SMURF2: variants seen among roughly 807,000 people sequenced by gnomAD.
SMURF2 encodes the protein E3 ubiquitin-protein ligase SMURF2.
A neutral mutation model predicts 109.6 loss-of-function variants in SMURF2; 48 were observed. The observed-to-expected ratio is 0.44, with a 90% CI of 0.35 to 0.56. The LOEUF (loss-of-function observed/expected upper bound fraction) is 0.56. SMURF2 is among the 20% of genes least tolerant of loss of function. The pLI is 0.01. For synonymous variants in SMURF2, 288 were observed against 317.1 expected (o/e 0.91, Z 0.97); for missense variants, 575 against 909.0 (o/e 0.63, Z 4.72).
At chr17:64,637,596 T>C (rs1970433959) in intron 1 of SMURF2, among the ~76,000 whole-genome samples, 1 of 149,804 alleles carries the variant, frequency 6.7e-6, no homozygotes, top group African/African-American at 2.5e-5. Context: ...CGGAGTCTCA[T>C]TCTGTTGCCC....
chr17:64,621,356 G>A (rs1970198604), intron 1 of SMURF2, among the ~76,000 whole-genome samples: 1 of 152,180 alleles, frequency 6.6e-6, no homozygotes, highest in South Asian at 2.1e-4. Context: ...GAGGTGGGTG[G>A]ATCACCTGAG....
intron 1 of SMURF2, among the ~76,000 whole-genome samples, chr17:64,653,092 G>A (rs1176776671): frequency 4.6e-5 from 7 of 152,000 alleles, no homozygotes; most frequent in African/African-American, 1.7e-4. Context: ...TCTTCTCTTT[G>A]GGACATCTTT....
intron 1 of SMURF2, among the ~76,000 whole-genome samples, chr17:64,609,568 A>G (rs1301907013): frequency 6.6e-6 from 1 of 152,188 alleles, no homozygotes; most frequent in East Asian, 1.9e-4. Flanking sequence ...CTGACTAGCC[A>G]TATGCAGAAA....
At chr17:64,602,873 C>T (rs1437227012) in intron 2 of SMURF2, among the ~76,000 whole-genome samples, 19 of 151,888 alleles carry the variant, frequency 1.3e-4, no homozygotes, top group Non-Finnish European at 2.2e-4. Flanking sequence ...TGCAGTGAGT[C>T]GAGATCGCGC....
At chr17:64,562,150 G>A (rs1555684557) in intron 11 of SMURF2, among the ~76,000 whole-genome samples, 2 of 151,368 alleles carry the variant, frequency 1.3e-5, no homozygotes, top group Admixed American at 6.6e-5. Context: ...AAAATTAGCT[G>A]AGCGTGGTAG....
intron 1 of SMURF2, among the ~76,000 whole-genome samples, chr17:64,633,131 G>A (rs1445328241): frequency 3.3e-5 from 5 of 152,138 alleles, no homozygotes; most frequent in Admixed American, 1.3e-4. Context: ...TTAGCCAGGC[G>A]TGGTGGCACG....
rs1045379613 is a variant in SMURF2 at position 64,643,171 on chromosome 17, C to T, written c.52+18658G>A. 2.0e-5 allele frequency among the ~76,000 whole-genome samples: 3 copies of T among 152,010 alleles called. No homozygotes were observed. The East Asian group carries it at 5.8e-4, about 29-fold the overall frequency. ...TCCCAAGTAGCTGGGATCACAGGCACGTCACCATACCCAGCTAATTTTTGT... is the reference window on the plus strand; with the variant it reads ...TCCCAAGTAGCTGGGATCACAGGCATGTCACCATACCCAGCTAATTTTTGT... On this transcript the variant is annotated intron_variant, in intron 1 of 18. Transcript: ENST00000262435.
At chr17:64,596,585 C>CAAAAAAAA (rs201858792) in intron 3 of SMURF2, among the ~76,000 whole-genome samples, 4 of 45,468 alleles carry the variant, frequency 8.8e-5, no homozygotes, top group African/African-American at 1.9e-4. Context: ...GGAGAGTAAA[C>CAAAAAAAA]AAAAAAAAAA....
intron 2 of SMURF2, among the ~76,000 whole-genome samples, chr17:64,601,599 A>G (rs9905255): frequency 0.23 from 34,774 of 152,060 alleles, 7,636 homozygotes; most frequent in African/African-American, 0.58. Flanking sequence ...CACGGCTGGT[A>G]GTAATGTAAA....
At chr17:64,570,096 G>C (rs891268889) in intron 10 of SMURF2, among the ~76,000 whole-genome samples, 3 of 152,262 alleles carry the variant, frequency 2.0e-5, no homozygotes, top group Non-Finnish European at 4.4e-5. Context: ...AGGAACCAAA[G>C]ATACACATTT....
intron 12 of SMURF2, 103 bp downstream of exon 12, chr17:64,561,397 A>G: frequency 1.4e-6 from 1 of 728,944 alleles, no homozygotes. Flanking sequence ...ACATTAGGGA[A>G]TAACAAAAAA....
chr17:64,605,194 C>A (rs1555688921), intron 2 of SMURF2, among the ~76,000 whole-genome samples: 1 of 152,040 alleles, frequency 6.6e-6, no homozygotes, highest in African/African-American at 2.4e-5. Flanking sequence ...TTGGGACCTT[C>A]CACTGTGACA....
At chr17:64,565,702 T>C (rs1398504002) in intron 10 of SMURF2, among the ~76,000 whole-genome samples, 1 of 152,082 alleles carries the variant, frequency 6.6e-6, no homozygotes, top group Non-Finnish European at 1.5e-5. Flanking sequence ...CTGTAACTGC[T>C]TGAGGCCCCA....
At chr17:64,625,135 T>C (rs1970252119) in intron 1 of SMURF2, among the ~76,000 whole-genome samples, 2 of 152,320 alleles carry the variant, frequency 1.3e-5, no homozygotes, top group East Asian at 1.9e-4. Flanking sequence ...TTCTGAGGCT[T>C]TCCAGTTTCT....
At chr17:64,595,973 C>G (rs555672128) in intron 3 of SMURF2, among the ~76,000 whole-genome samples, 1 of 151,996 alleles carries the variant, frequency 6.6e-6, no homozygotes, top group Non-Finnish European at 1.5e-5. Flanking sequence ...CCACCAACCA[C>G]GAGACCCTTG....
chr17:64,652,758 T>C (rs1167601271), intron 1 of SMURF2, among the ~76,000 whole-genome samples: 1 of 152,152 alleles, frequency 6.6e-6, no homozygotes, highest in Non-Finnish European at 1.5e-5. Context: ...AGAATAGGCA[T>C]GAGCAACCGC....
intron 17 of SMURF2, among the ~76,000 whole-genome samples, chr17:64,546,743 A>C (rs1206816444): frequency 1.3e-5 from 2 of 152,284 alleles, no homozygotes; most frequent in Non-Finnish European, 2.9e-5. Flanking sequence ...GGCTGACAGC[A>C]AAAGAGCCGT....
chr17:64,638,831 G>C (rs1970456423), intron 1 of SMURF2, among the ~76,000 whole-genome samples: 1 of 152,138 alleles, frequency 6.6e-6, no homozygotes, highest in African/African-American at 2.4e-5. Flanking sequence ...TTCCCATACT[G>C]GGATGGCTAG....
At chr17:64,568,927 A>G (rs1969357016) in intron 10 of SMURF2, among the ~76,000 whole-genome samples, 2 of 151,668 alleles carry the variant, frequency 1.3e-5, no homozygotes, top group Admixed American at 1.3e-4. Context: ...GCTTGAACCC[A>G]AGAGGCAGAG....
Sources: allele counts gnomAD v4.1 joint callset (sites outside exome capture counted in the v4.1 genomes callset), GRCh38; gene constraint gnomAD v4.1.1; transcripts MANE v1.5; gene names NCBI Gene and HGNC (gene_info 2026-07-23, HGNC 2026-07-21).